Variants in AUTS2 observed in about 807,000 individuals in gnomAD.
AUTS2 encodes autism susceptibility gene 2 protein.
In AUTS2, 17 loss-of-function variants were observed where a neutral mutation model predicts 112.4. The observed-to-expected ratio is 0.15, with a 90% CI of 0.10 to 0.23. The LOEUF is 0.23. Among genes scored for constraint, AUTS2 ranks in the 10% least tolerant of loss-of-function variants. The pLI is 1.00. For synonymous variants in AUTS2, 751 were observed against 702.7 expected, an observed-to-expected ratio of 1.07 and a Z score of -1.09; for missense variants, 1,510 against 1,701.6, an observed-to-expected ratio of 0.89 and a Z score of 1.98.
At chr7:69,714,247 A>ATG (rs1438776720) in intron 1 of AUTS2, among the ~76,000 whole-genome samples, 2,120 of 42,280 alleles carry the variant, frequency 0.05, 60 homozygotes, top group Admixed American at 0.18. Context: ...ATGTGTGTGT[A>ATG]TATGTGTGTG....
At chr7:70,531,314 T>G (rs1001195263) in intron 5 of AUTS2, among the ~76,000 whole-genome samples, 3 of 152,218 alleles carry the variant, frequency 2.0e-5, no homozygotes, top group Non-Finnish European at 2.9e-5. Flanking sequence ...CTAAGATTTA[T>G]TAAAGAAACA....
intron 2 of AUTS2, among the ~76,000 whole-genome samples, chr7:70,077,808 C>T (rs577267688): frequency 3.9e-5 from 6 of 152,148 alleles, no homozygotes; most frequent in Non-Finnish European, 7.3e-5. Context: ...GGCAATACAT[C>T]GCTCCCTTTC....
intron 5 of AUTS2, among the ~76,000 whole-genome samples, chr7:70,500,172 C>CAA (rs140217403): frequency 2.2e-4 from 24 of 106,814 alleles, no homozygotes; most frequent in African/African-American, 3.3e-4. Flanking sequence ...TGGTGGTCTT[C>CAA]AAAAAAAAAA....
chr7:70,089,569 C>G (rs1803798321), intron 2 of AUTS2, among the ~76,000 whole-genome samples: 1 of 151,758 alleles, frequency 6.6e-6, no homozygotes, highest in African/African-American at 2.4e-5. Context: ...GTCTGACAAT[C>G]TTTTGCCTTT....
chr7:69,785,804 A>G (rs145139688), intron 1 of AUTS2, among the ~76,000 whole-genome samples: 2 of 152,126 alleles, frequency 1.3e-5, no homozygotes, highest in African/African-American at 4.8e-5. Flanking sequence ...ATTCCACAAG[A>G]CACCCTATCA....
At chr7:70,307,137 AT>A (rs1789529443) in intron 4 of AUTS2, among the ~76,000 whole-genome samples, 1 of 152,246 alleles carries the variant, frequency 6.6e-6, no homozygotes, top group African/African-American at 2.4e-5. Context: ...GGAAACCATC[AT>A]GTTTTTAAAT....
At chr7:70,714,393 A>C (rs1810238198) in intron 6 of AUTS2, among the ~76,000 whole-genome samples, 1 of 152,178 alleles carries the variant, frequency 6.6e-6, no homozygotes, top group African/African-American at 2.4e-5. Flanking sequence ...TTACGACTAC[A>C]TACTTTAGTG....
At chr7:70,787,695 C>T (rs957476087) in intron 18 of AUTS2, among the ~76,000 whole-genome samples, 3 of 152,190 alleles carry the variant, frequency 2.0e-5, no homozygotes, top group African/African-American at 7.2e-5. Flanking sequence ...TCCCTGTTAG[C>T]GTGTCCAAAC....
At chr7:70,634,015 T>G (rs189863118) in intron 5 of AUTS2, among the ~76,000 whole-genome samples, 1 of 132,070 alleles carries the variant, frequency 7.6e-6, no homozygotes, top group Non-Finnish European at 1.7e-5. Flanking sequence ...AGGTACTAGA[T>G]CCATATCATC....
chr7:70,613,490 A>G (rs369648847), intron 5 of AUTS2, among the ~76,000 whole-genome samples: 3 of 151,994 alleles, frequency 2.0e-5, no homozygotes, highest in East Asian at 1.9e-4. Flanking sequence ...CCTGGTGAGA[A>G]CTCATTAAGT....
intron 1 of AUTS2, among the ~76,000 whole-genome samples, chr7:69,791,182 A>G (rs1159185802): frequency 6.6e-6 from 1 of 151,980 alleles, no homozygotes; most frequent in Non-Finnish European, 1.5e-5. Context: ...ATCTGCTCAG[A>G]CTCCTAAATC....
intron 2 of AUTS2, among the ~76,000 whole-genome samples, chr7:70,026,740 A>T (rs926514561): frequency 6.6e-6 from 1 of 152,138 alleles, no homozygotes; most frequent in African/African-American, 2.4e-5. Context: ...TTCTTCTTTA[A>T]TATATCTGAA....
At chr7:69,739,048 C>CT (rs1255033068) in intron 1 of AUTS2, among the ~76,000 whole-genome samples, 1 of 151,958 alleles carries the variant, frequency 6.6e-6, no homozygotes, top group African/African-American at 2.4e-5. Flanking sequence ...AGGTTCTGGC[C>CT]TAGGGGGTTG....
chr7:70,240,393 G>A lies in AUTS2; in HGVS notation c.660+105822G>A, dbSNP rs139144199. ...TGATAATACATATGTGGTTTTCATGGGGATTTTGTAAAGTGCCTGGCATAT... is the reference window on the plus strand; with the variant it reads ...TGATAATACATATGTGGTTTTCATGAGGATTTTGTAAAGTGCCTGGCATAT... On this transcript the variant is annotated intron_variant, in intron 4 of 18. Transcript: ENST00000342771. Among the ~76,000 whole-genome samples, 1,318 of 152,254 alleles carry A rather than the reference G, an allele frequency of 8.7e-3. 15 individuals carry two copies. The highest frequency in any genetic ancestry group is 0.012 in the Non-Finnish European group (841 of 68,020).
intron 5 of AUTS2, among the ~76,000 whole-genome samples, chr7:70,511,280 A>G (rs562572216): frequency 6.6e-6 from 1 of 152,300 alleles, no homozygotes; most frequent in South Asian, 2.1e-4. Flanking sequence ...GAAAAACCAA[A>G]CATCAGATTT....
intron 1 of AUTS2, among the ~76,000 whole-genome samples, chr7:69,774,088 T>C (rs1177391460): frequency 6.6e-6 from 1 of 152,184 alleles, no homozygotes; most frequent in Non-Finnish European, 1.5e-5. Context: ...CACCCCATGC[T>C]ACATGTCAAC....
chr7:70,615,932 G>A (rs1208780046), intron 5 of AUTS2, among the ~76,000 whole-genome samples: 1 of 151,958 alleles, frequency 6.6e-6, no homozygotes, highest in Non-Finnish European at 1.5e-5. Context: ...TTTCAGAGAG[G>A]TAGGGTTTTG....
At chr7:70,247,946 A>G (rs1813011703) in intron 4 of AUTS2, among the ~76,000 whole-genome samples, 1 of 152,202 alleles carries the variant, frequency 6.6e-6, no homozygotes, top group Admixed American at 6.5e-5. Flanking sequence ...AATTTTTATC[A>G]TGAATGACTG....
chr7:69,728,017 A>G (rs1310301308), intron 1 of AUTS2, among the ~76,000 whole-genome samples: 1 of 152,176 alleles, frequency 6.6e-6, no homozygotes, highest in African/African-American at 2.4e-5. Context: ...TACTAATGGG[A>G]TTTTAGTGTG....
Sources: gnomAD v4.1 joint callset for allele counts (sites outside exome capture counted in the v4.1 genomes callset) on GRCh38, gnomAD v4.1.1 for gene constraint, MANE v1.5 for transcripts, NCBI Gene and HGNC (gene_info 2026-07-23, HGNC 2026-07-21) for gene names.